The following FOXP1 variants were observed in gnomAD, a reference collection of about 807,000 sequenced individuals.
FOXP1 encodes the protein forkhead box P1.
A neutral mutation model predicts 98.2 loss-of-function variants in FOXP1; 15 were observed. The observed-to-expected ratio is 0.15, with a 90% CI of 0.10 to 0.24. FOXP1 has a LOEUF of 0.24. Ranked by LOEUF, FOXP1 falls within the 10% of genes least tolerant of loss-of-function variation. The probability of loss-of-function intolerance (pLI) is 1.00; values close to 1 mark genes in which losing one functional copy is unlikely to be tolerated. For missense variants in FOXP1, 633 were observed against 848.5 expected, an observed-to-expected ratio of 0.75 and a Z score of 3.15; for synonymous variants, 371 against 314.5, an observed-to-expected ratio of 1.18 and a Z score of -1.90.
intron 3 of FOXP1, among the ~76,000 whole-genome samples, chr3:71,411,278 C>CGCGTGT (rs1553875423): frequency 7.1e-6 from 1 of 141,684 alleles, no homozygotes; most frequent in Non-Finnish European, 1.5e-5. Flanking sequence ...GCTGAATGGG[C>CGCGTGT]GTGTGTGTGT....
chr3:71,210,585 G>C (rs2064378619), intron 5 of FOXP1, among the ~76,000 whole-genome samples: 1 of 152,180 alleles, frequency 6.6e-6, no homozygotes, highest in Non-Finnish European at 1.5e-5. Flanking sequence ...AAGAAAATCA[G>C]ACTTGCTCAA....
At chr3:71,428,770 C>A (rs902443296) in intron 3 of FOXP1, among the ~76,000 whole-genome samples, 2 of 152,152 alleles carry the variant, frequency 1.3e-5, no homozygotes, top group Non-Finnish European at 2.9e-5. Flanking sequence ...GTGGCCTGGA[C>A]ACACATACAC....
At chr3:71,472,441 C>CT (rs57952274) in intron 3 of FOXP1, among the ~76,000 whole-genome samples, 17 of 148,450 alleles carry the variant, frequency 1.1e-4, no homozygotes, top group South Asian at 2.1e-4. Context: ...CATACTTTTC[C>CT]TTTTTTTTTT....
chr3:71,536,573 CTTTTT>C (rs3039465), intron 2 of FOXP1, among the ~76,000 whole-genome samples: 1 of 134,998 alleles, frequency 7.4e-6, no homozygotes. Context: ...AACCATGTCT[CTTTTT>C]TTTTTTTTTT....
intron 4 of FOXP1, among the ~76,000 whole-genome samples, chr3:71,317,721 G>A (rs1419107502): frequency 6.6e-6 from 1 of 151,238 alleles, no homozygotes; most frequent in Non-Finnish European, 1.5e-5. Flanking sequence ...AACTATTTTG[G>A]TACCTGTCCC....
At chr3:71,565,201 G>C in intron 2 of FOXP1, among the ~76,000 whole-genome samples, 1 of 152,202 alleles carries the variant, frequency 6.6e-6, no homozygotes, top group Middle Eastern at 3.4e-3. Context: ...GGAGTGTTAG[G>C]GGTTAAAAAA....
rs139747537 is a variant in FOXP1, at chr3:70,959,528, C to T, written c.1890-137G>A. On this transcript the variant is annotated intron_variant, in intron 20 of 20. Coordinates refer to ENST00000649528, the MANE Select transcript of FOXP1 (RefSeq NM_001349338.3). The stretch of plus-strand genomic sequence containing the variant: ...TCCAGTATTGTTACCATTAGCCACA[C>T]GTGGCTCTTTAAATTGAAATGAACG... 944 of 884,738 alleles carry T rather than the reference C, an allele frequency of 1.1e-3. 1 individual carries two copies. In the African/African-American group the frequency reaches 0.013, roughly 12 times the overall value. The allele number at this position is 884,738 out of a possible 1,614,324, so 54.8% of individuals were successfully genotyped here.
At chr3:71,166,411 C>T (rs1229041360) in intron 6 of FOXP1, among the ~76,000 whole-genome samples, 4 of 152,194 alleles carry the variant, frequency 2.6e-5, no homozygotes, top group Non-Finnish European at 5.9e-5. Flanking sequence ...TTTTCTTGAA[C>T]TTTCTGTGTA....
intron 7 of FOXP1, among the ~76,000 whole-genome samples, chr3:71,056,642 A>T (rs1245756953): frequency 6.6e-6 from 1 of 152,072 alleles, no homozygotes; most frequent in Non-Finnish European, 1.5e-5. Flanking sequence ...ATCTGAAACC[A>T]CGTTTTCATG....
intron 11 of FOXP1, among the ~76,000 whole-genome samples, chr3:71,031,993 C>T (rs992791389): frequency 6.6e-6 from 1 of 152,238 alleles, no homozygotes; most frequent in Non-Finnish European, 1.5e-5. Flanking sequence ...GCCAGCAAGG[C>T]TATTTTCGCA....
intron 6 of FOXP1, among the ~76,000 whole-genome samples, chr3:71,185,062 A>G (rs1381454002): frequency 6.6e-6 from 1 of 152,048 alleles, no homozygotes; most frequent in Non-Finnish European, 1.5e-5. Context: ...GTGTGGTGGC[A>G]GTAGCCTGTA....
chr3:70,968,469 T>A (rs2035466780), intron 19 of FOXP1: 1 of 151,416 alleles, frequency 6.6e-6, no homozygotes, highest in Non-Finnish European at 1.5e-5. Context: ...TGGTTTCATA[T>A]CAAGCTGGCA....
intron 5 of FOXP1, among the ~76,000 whole-genome samples, chr3:71,247,580 C>T (rs2067852963): frequency 6.6e-6 from 1 of 152,308 alleles, no homozygotes; most frequent in African/African-American, 2.4e-5. Context: ...GAAATCAAGA[C>T]ACACCAGGCA....
chr3:71,583,033 C>A (rs1477042370), intron 1 of FOXP1, among the ~76,000 whole-genome samples: 1 of 151,776 alleles, frequency 6.6e-6, no homozygotes, highest in Non-Finnish European at 1.5e-5. Context: ...AGGCGCCCGG[C>A]GCGCGCCCCC....
In FOXP1 at chr3:70,965,943, A is replaced by G; in HGVS notation, c.1836T>C (p.His612=). 6.2e-7 allele frequency: 1 copy of G among 1,614,068 alleles called. No individual in the cohort carries two copies. The highest frequency in any genetic ancestry group is 8.5e-7 in the Non-Finnish European group (1 of 1,180,006). The change falls in exon 20 of 21, where the codon CAT becomes CAC. Residue 612 remains histidine, a synonymous_variant. Transcript: ENST00000649528. ...IREELNGAME[H]TNSNESDSSP... ...TGCTGTCACTCTCGTTGCTGTTGGT[A>G]TGCTCCATTGCCCCGTTCAGCTCTT...
chr3:71,169,824 CA>C (rs1457704725), intron 6 of FOXP1, among the ~76,000 whole-genome samples: 1 of 148,188 alleles, frequency 6.7e-6, no homozygotes, highest in African/African-American at 2.5e-5. Context: ...ATATGTAATT[CA>C]AATAACAAGC....
At chr3:71,349,854 C>T (rs1004226438) in intron 4 of FOXP1, among the ~76,000 whole-genome samples, 1 of 152,106 alleles carries the variant, frequency 6.6e-6, no homozygotes, top group Non-Finnish European at 1.5e-5. Context: ...TATCCCTAAC[C>T]CTTCAGGAGG....
chr3:71,415,756 C>A (rs2083165491), intron 3 of FOXP1, among the ~76,000 whole-genome samples: 1 of 148,300 alleles, frequency 6.7e-6, no homozygotes, highest in Non-Finnish European at 1.5e-5. Context: ...GGGTCTTTGA[C>A]TGTAAAATAG....
At chr3:71,233,318 A>G (rs1016513473) in intron 5 of FOXP1, among the ~76,000 whole-genome samples, 5 of 152,008 alleles carry the variant, frequency 3.3e-5, no homozygotes, top group African/African-American at 1.2e-4. Context: ...AGAAAGGTCT[A>G]TGGTCCAACT....
Sources: allele counts gnomAD v4.1 joint callset (sites outside exome capture counted in the v4.1 genomes callset), GRCh38; gene constraint gnomAD v4.1.1; transcripts MANE v1.5; gene names NCBI Gene and HGNC (gene_info 2026-07-23, HGNC 2026-07-21).